The following ZMYND8 variants were observed in gnomAD, a reference collection of about 807,000 sequenced individuals.
The protein encoded by ZMYND8 is MYND-type zinc finger-containing chromatin reader ZMYND8.
ZMYND8 carries 37 observed loss-of-function variants against 140.8 expected under a neutral mutation model. The ratio of observed to expected loss-of-function variants is 0.26; its 90% confidence interval spans 0.20 to 0.35. The LOEUF is 0.35. ZMYND8 is among the 10% of genes least tolerant of loss of function. ZMYND8 has a pLI of 1.00. For missense variants in ZMYND8, 1,068 were observed against 1,570.0 expected (o/e 0.68, Z 5.40); for synonymous variants, 592 against 597.1 (o/e 0.99, Z 0.12).
intron 13 of ZMYND8, among the ~76,000 whole-genome samples, chr20:47,247,435 A>ATTTCT (rs1457100320): frequency 6.6e-6 from 1 of 152,252 alleles, no homozygotes; most frequent in Non-Finnish European, 1.5e-5. Context: ...TCAAGAGAGA[A>ATTTCT]GTCACATACT....
intron 8 of ZMYND8, among the ~76,000 whole-genome samples, chr20:47,285,269 T>C (rs2076849527): frequency 6.6e-6 from 1 of 152,234 alleles, no homozygotes; most frequent in South Asian, 2.1e-4. Context: ...CTTTAACTCT[T>C]ATCATGCAAG....
chr20:47,348,155 A>T (rs2148601664), intron 1 of ZMYND8: 1 of 552,458 alleles, frequency 1.8e-6, no homozygotes, highest in African/African-American at 1.9e-5. Context: ...TTACTATTCC[A>T]GTTGTCATGC....
chr20:47,224,453 A>T lies in ZMYND8; in HGVS notation c.3120T>A (p.Asp1040Glu). 6.2e-7 allele frequency: 1 copy of T among 1,614,136 alleles called. No homozygotes were observed. Reference sequence around the variant, plus strand: ...CGCACCACTGCTTCTTCTTGGTCTCATCCACCGCCTGCTGCTTCTCCAACT... The same window carrying T: ...CGCACCACTGCTTCTTCTTGGTCTCTTCCACCGCCTGCTGCTTCTCCAACT... ...QLELEKQQAVDETKKKQWCAN... is the reference protein window; with the variant it reads ...QLELEKQQAVEETKKKQWCAN... Residue 1040 changes from aspartate (D) to glutamate (E), a missense_variant, in exon 19 of 23, where the codon GAT becomes GAA. Physicochemically the swap from Asp to Glu is conservative, Grantham distance 45. This residue lies in a region of ZMYND8 where 87 missense variants were observed against 151.1 expected (regional missense o/e 0.58). Transcript: ENST00000471951.
At chr20:47,333,964 T>C (rs1460912507) in intron 2 of ZMYND8, among the ~76,000 whole-genome samples, 1 of 150,820 alleles carries the variant, frequency 6.6e-6, no homozygotes, top group East Asian at 1.9e-4. Context: ...AATGAATAAA[T>C]GAATAAATAA....
chr20:47,253,694 T>C (rs1043462631), intron 12 of ZMYND8, among the ~76,000 whole-genome samples: 1 of 152,198 alleles, frequency 6.6e-6, no homozygotes, highest in African/African-American at 2.4e-5. Context: ...AGGACAACCT[T>C]TCTAAACCTT....
chr20:47,310,029 G>T, intron 3 of ZMYND8, 27 bp downstream of exon 3: 1 of 1,613,988 alleles, frequency 6.2e-7, no homozygotes, highest in East Asian at 2.2e-5. Context: ...CCACCAGTGA[G>T]GACACCGTTC....
chr20:47,255,072 G>C (rs908069379), intron 12 of ZMYND8, among the ~76,000 whole-genome samples: 1 of 152,128 alleles, frequency 6.6e-6, no homozygotes, highest in Admixed American at 6.6e-5. Context: ...CGGAGAGCCA[G>C]ATCATGCCAC....
intron 2 of ZMYND8, chr20:47,318,807 G>T: frequency 1.8e-6 from 1 of 556,830 alleles, no homozygotes; most frequent in Non-Finnish European, 3.1e-6. Context: ...ATCCAGAGCC[G>T]GGATAGGGAG....
intron 2 of ZMYND8, among the ~76,000 whole-genome samples, chr20:47,318,064 C>T (rs556066379): frequency 2.2e-4 from 34 of 152,122 alleles, no homozygotes; most frequent in African/African-American, 7.2e-4. Flanking sequence ...CCCCGACTAC[C>T]GCCCCCCACT....
intron 21 of ZMYND8, among the ~76,000 whole-genome samples, chr20:47,213,908 A>G (rs2035665142): frequency 6.6e-6 from 1 of 152,188 alleles, no homozygotes; most frequent in Non-Finnish European, 1.5e-5. Flanking sequence ...AGCCGTGTAA[A>G]CTGGAACTAG....
At position 47,313,389 on chromosome 20, in the gene ZMYND8, A is replaced by G. The variant is rs563311362; in HGVS notation, c.86-3185T>C. 8.1e-3 allele frequency among the ~76,000 whole-genome samples: 1,230 copies of G among 150,956 alleles called. 12 individuals are homozygous for G. Among genetic ancestry groups the G allele is most frequent in the Non-Finnish European group, 0.01 (694 of 67,608 alleles). ...TGTAATCCCAGCACTTTGGGAGGCC[A>G]AGGCGGGCGGATTACAAAGTCAGGA... On this transcript the variant is annotated intron_variant, in intron 2 of 22. Coordinates refer to ENST00000471951, the MANE Select transcript of ZMYND8 (RefSeq NM_001281775.3).
Position 47,245,683 on chromosome 20 carries a change from A to C in ZMYND8, c.2284+325T>G, listed in dbSNP as rs774413617. Among the ~76,000 whole-genome samples the C allele has an allele frequency of 3.3e-5, 5 of 152,272 alleles. No individual in the cohort carries two copies. The East Asian group carries it at 7.7e-4, about 23-fold the overall frequency. On this transcript the variant is annotated intron_variant, in intron 14 of 22. Transcript: ENST00000471951. ...GAAATAAATGAGCATATTGGAAAAG[A>C]AGCTGCTCAGACTAAAAATGACTTG...
chr20:47,228,968 C>T (rs942674151), intron 17 of ZMYND8, among the ~76,000 whole-genome samples: 2 of 151,896 alleles, frequency 1.3e-5, no homozygotes, highest in Admixed American at 6.6e-5. Context: ...TTTTTAAAAG[C>T]GGATGCTTTA....
intron 3 of ZMYND8, among the ~76,000 whole-genome samples, chr20:47,305,112 G>A (rs2078374817): frequency 2.0e-5 from 3 of 151,854 alleles, no homozygotes; most frequent in Admixed American, 2.0e-4. Flanking sequence ...GGCATGTTGG[G>A]GAACAGCTGT....
At chr20:47,278,509 C>T (rs992040855) in intron 10 of ZMYND8, among the ~76,000 whole-genome samples, 5 of 152,140 alleles carry the variant, frequency 3.3e-5, no homozygotes, top group African/African-American at 1.2e-4. Context: ...TCTTATGTTA[C>T]ATTTTACCCC....
intron 2 of ZMYND8, among the ~76,000 whole-genome samples, chr20:47,347,334 C>T (rs763381093): frequency 6.6e-6 from 1 of 152,188 alleles, no homozygotes; most frequent in Non-Finnish European, 1.5e-5. Context: ...TGAATAAACG[C>T]ATAAATTGTG....
chr20:47,291,109 T>G (rs576910462), intron 6 of ZMYND8, among the ~76,000 whole-genome samples: 1 of 152,308 alleles, frequency 6.6e-6, no homozygotes, highest in Admixed American at 6.5e-5. Flanking sequence ...AATGCCTCCT[T>G]TTTTCCACCA....
chr20:47,284,812 A>T (rs1028641791), intron 8 of ZMYND8, among the ~76,000 whole-genome samples: 1 of 152,136 alleles, frequency 6.6e-6, no homozygotes, highest in Non-Finnish European at 1.5e-5. Flanking sequence ...CCCTTCTTGG[A>T]TCTCAAGTCA....
intron 1 of ZMYND8, chr20:47,349,935 AT>A: frequency 6.5e-7 from 1 of 1,535,456 alleles, no homozygotes. Context: ...CAAGGGAACC[AT>A]TATTTGGCTT....
Sources: allele counts gnomAD v4.1 joint callset (sites outside exome capture counted in the v4.1 genomes callset), GRCh38; gene constraint gnomAD v4.1.1; regional missense constraint gnomAD v4.1.1; transcripts MANE v1.5; gene names NCBI Gene and HGNC (gene_info 2026-07-23, HGNC 2026-07-21).